GAN: variants seen among roughly 807,000 people sequenced by gnomAD.
The protein encoded by GAN is epididymis secretory sperm binding protein.
GAN carries 48 observed loss-of-function variants against 71.3 expected under a neutral mutation model. That is an observed-to-expected ratio of 0.67 (90% confidence interval 0.53 to 0.86). GAN has a LOEUF of 0.86. GAN is among the 40% of genes least tolerant of loss of function. The pLI is 0.00. For synonymous variants in GAN, 386 were observed against 276.8 expected, an observed-to-expected ratio of 1.39 and a Z score of -3.92; for missense variants, 928 against 770.1, an observed-to-expected ratio of 1.21 and a Z score of -2.43.
chr16:81,359,265 A>T (rs961565416), intron 5 of GAN, among the ~76,000 whole-genome samples: 1 of 152,218 alleles, frequency 6.6e-6, no homozygotes, highest in East Asian at 1.9e-4. Flanking sequence ...AAAGGCTCCT[A>T]TATGACTAAT....
At chr16:81,335,986 G>C (rs1909747137) in intron 1 of GAN, among the ~76,000 whole-genome samples, 1 of 152,148 alleles carries the variant, frequency 6.6e-6, no homozygotes, top group Non-Finnish European at 1.5e-5. Flanking sequence ...TTTGCTCTCA[G>C]TGCACCAGTG....
chr16:81,352,604 A>G (rs371802555), intron 2 of GAN, among the ~76,000 whole-genome samples: 132 of 151,944 alleles, frequency 8.7e-4, no homozygotes, highest in African/African-American at 3.1e-3. Context: ...TGTCTTACAT[A>G]TTTTCTAAGT....
intron 1 of GAN, among the ~76,000 whole-genome samples, chr16:81,335,468 C>T (rs980626751): frequency 9.2e-5 from 14 of 151,668 alleles, no homozygotes; most frequent in African/African-American, 3.2e-4. Flanking sequence ...AATACATGGC[C>T]GGGCATGGTG....
chr16:81,352,092 A>G (rs1030698576), intron 2 of GAN, among the ~76,000 whole-genome samples: 2 of 152,198 alleles, frequency 1.3e-5, no homozygotes, highest in African/African-American at 2.4e-5. Flanking sequence ...TAGCATGGAA[A>G]TAGGAACTTC....
intron 6 of GAN, among the ~76,000 whole-genome samples, chr16:81,362,831 C>A (rs1158625583): frequency 6.6e-6 from 1 of 152,162 alleles, no homozygotes; most frequent in Non-Finnish European, 1.5e-5. Context: ...ATGCCCTCAC[C>A]CCAGCCTTCA....
At chr16:81,350,934 A>G (rs532828399) in intron 1 of GAN, among the ~76,000 whole-genome samples, 2 of 152,388 alleles carry the variant, frequency 1.3e-5, no homozygotes, top group South Asian at 4.1e-4. Context: ...GGAAAATGGG[A>G]TATTGCACAG....
At position 81,324,554 on chromosome 16, in the gene GAN, G is replaced by A. The variant is rs117890981; in HGVS notation, c.167+9274G>A. 4.4e-3 allele frequency among the ~76,000 whole-genome samples: 666 copies of A among 152,272 alleles called. 2 individuals carry two copies. Among genetic ancestry groups the A allele is most frequent in the Non-Finnish European group, 7.7e-3 (521 of 68,030 alleles). The stretch of plus-strand genomic sequence containing the variant: ...GAGATGGTGAGCAAAGGGTGGGATG[G>A]CATCGACAACAGATTAGAGGCTGGG... On this transcript the variant is annotated intron_variant, in intron 1 of 10. Transcript: ENST00000648994.
chr16:81,328,241 A>G (rs4888137), intron 1 of GAN, among the ~76,000 whole-genome samples: 143,941 of 152,340 alleles, frequency 0.94, 68,045 homozygotes, highest in Middle Eastern at 0.98. Flanking sequence ...TCTGAACAGT[A>G]TACTTAATGT....
chr16:81,375,844 C>T (rs1273664185), intron 9 of GAN, among the ~76,000 whole-genome samples: 1 of 151,564 alleles, frequency 6.6e-6, no homozygotes, highest in Non-Finnish European at 1.5e-5. Context: ...GTGGTGTGCA[C>T]CTGTGGTCCC....
At chr16:81,327,095 G>C (rs1909416451) in intron 1 of GAN, among the ~76,000 whole-genome samples, 1 of 152,212 alleles carries the variant, frequency 6.6e-6, no homozygotes, top group South Asian at 2.1e-4. Flanking sequence ...GGCATGGTCA[G>C]CTCCCACGAA....
rs968190314 is a variant in GAN, at chr16:81,381,091, A to G, written c.*3495A>G. The G allele has an allele frequency of 6.6e-6, 1 of 152,212 alleles. No homozygotes were observed. Among genetic ancestry groups the G allele is most frequent in the African/African-American group, 2.4e-5 (1 of 41,450 alleles). 9.4% of individuals were successfully genotyped at this position (152,212 alleles called of 1,614,324 possible). On this transcript the variant is annotated 3_prime_UTR_variant, in exon 11 of 11. Transcript: ENST00000648994. Reference sequence around the variant, plus strand: ...TATGAGTTGGGGGGATTCCCTAGTCAATGCATAGGAAATACATTCTTTGTA... The same window carrying G: ...TATGAGTTGGGGGGATTCCCTAGTCGATGCATAGGAAATACATTCTTTGTA...
At chr16:81,326,108 C>A (rs374632041) in intron 1 of GAN, among the ~76,000 whole-genome samples, 31 of 152,286 alleles carry the variant, frequency 2.0e-4, no homozygotes, top group African/African-American at 7.2e-4. Flanking sequence ...AGTGCATCAT[C>A]GCCTCATTTA....
rs373819552 is a variant in GAN at position 81,315,254 on chromosome 16, C to T, written c.141C>T (p.Ile47=). Residue 47 remains isoleucine (I), a synonymous_variant, in exon 1 of 11, where the codon ATC becomes ATT. Transcript: ENST00000648994. ...DGEEIPVQKN[I]LAAASPYIRT... ...AGGAGATCCCGGTGCAGAAGAACAT[C>T]CTGGCGGCGGCCAGCCCGTACATCA... 3.2e-6 allele frequency: 5 copies of T among 1,575,850 alleles called. No homozygotes were observed. Among genetic ancestry groups the T allele is most frequent in the African/African-American group, 1.4e-5 (1 of 71,390 alleles).
At chr16:81,376,634 ATATGTGTG>A (rs1021491552) in intron 9 of GAN, among the ~76,000 whole-genome samples, 4 of 16,152 alleles carry the variant, frequency 2.5e-4, no homozygotes, top group South Asian at 4.1e-3. Flanking sequence ...ATACATACAT[ATATGTGTG>A]TATATATGTG....
At position 81,363,908 on chromosome 16, in the gene GAN, T is replaced by C; in HGVS notation, c.1201T>C (p.Trp401Arg). ...GTGTTACGATATTTATTCTAAAACC[T>C]GGACAAAGCAACCTGATTTGACCAT... ...MECYDIYSKTWTKQPDLTMVR... is the reference protein window; with the variant it reads ...MECYDIYSKTRTKQPDLTMVR... The change falls in exon 7 of 11, where the codon TGG (tryptophan) becomes CGG (arginine). Residue 401 changes from tryptophan to arginine, a missense_variant. Transcript: ENST00000648994. 1 of 1,613,662 alleles carries C rather than the reference T, an allele frequency of 6.2e-7. No homozygotes were observed. The highest frequency in any genetic ancestry group is 8.5e-7 in the Non-Finnish European group (1 of 1,179,554).
chr16:81,337,714 T>C (rs1909810230), intron 1 of GAN, among the ~76,000 whole-genome samples: 1 of 152,240 alleles, frequency 6.6e-6, no homozygotes. Flanking sequence ...AGCCAACGAC[T>C]TTTCTTATGT....
chr16:81,342,318 AACAGAATAT>A (rs1183710784), intron 1 of GAN, among the ~76,000 whole-genome samples: 1 of 152,242 alleles, frequency 6.6e-6, no homozygotes. Flanking sequence ...ACCCCAAATC[AACAGAATAT>A]ACATTCTTCT....
At chr16:81,349,571 G>A (rs1910231950) in intron 1 of GAN, among the ~76,000 whole-genome samples, 1 of 152,162 alleles carries the variant, frequency 6.6e-6, no homozygotes, top group Non-Finnish European at 1.5e-5. Flanking sequence ...TTGAACCCAG[G>A]AGGAGGAGGT....
At chr16:81,338,642 T>C (rs1003708985) in intron 1 of GAN, among the ~76,000 whole-genome samples, 25 of 152,148 alleles carry the variant, frequency 1.6e-4, no homozygotes, top group Admixed American at 1.3e-4. Context: ...ATATAGAGAT[T>C]TAAGTTGGGA....
Sources: allele counts gnomAD v4.1 joint callset (sites outside exome capture counted in the v4.1 genomes callset), GRCh38; gene constraint gnomAD v4.1.1; transcripts MANE v1.5; gene names NCBI Gene and HGNC (gene_info 2026-07-23, HGNC 2026-07-21).